The following ME2 variants were observed in gnomAD, a reference collection of about 807,000 sequenced individuals.
ME2 encodes NAD-dependent malic enzyme, mitochondrial.
Under a neutral mutation model 73.7 loss-of-function variants are expected in ME2, and 60 were observed. The ratio of observed to expected loss-of-function variants is 0.81; its 90% confidence interval spans 0.66 to 1.01. ME2 has a LOEUF of 1.01. Ranked by LOEUF, ME2 falls within the 50% of genes least tolerant of loss-of-function variation. The pLI, the probability that ME2 is intolerant of heterozygous loss-of-function variation, is 0.00. For missense variants in ME2, 594 were observed against 705.5 expected, an observed-to-expected ratio of 0.84 and a Z score of 1.79; for synonymous variants, 199 against 236.9, an observed-to-expected ratio of 0.84 and a Z score of 1.47.
intron 12 of ME2, among the ~76,000 whole-genome samples, chr18:50,927,439 G>A (rs561938735): frequency 2.6e-5 from 4 of 151,796 alleles, no homozygotes; most frequent in Non-Finnish European, 5.9e-5. Context: ...GGTGGCTCAC[G>A]CCTGTAATCC....
At chr18:50,883,204 T>C (rs1916365332) in intron 1 of ME2, among the ~76,000 whole-genome samples, 1 of 152,308 alleles carries the variant, frequency 6.6e-6, no homozygotes, top group South Asian at 2.1e-4. Flanking sequence ...CAACTGATTC[T>C]GAACTGGTAA....
At chr18:50,941,991 ATTTGT>A (rs1423776170) in intron 15 of ME2, among the ~76,000 whole-genome samples, 2 of 151,820 alleles carry the variant, frequency 1.3e-5, no homozygotes, top group African/African-American at 4.8e-5. Context: ...CCCACTTGTC[ATTTGT>A]TTTAACTTTA....
intron 11 of ME2, among the ~76,000 whole-genome samples, chr18:50,924,567 G>A (rs1220889279): frequency 6.6e-6 from 1 of 150,552 alleles, no homozygotes; most frequent in Non-Finnish European, 1.5e-5. Context: ...AGTGTGTTTT[G>A]AATCAGGCAT....
intron 1 of ME2, among the ~76,000 whole-genome samples, chr18:50,888,711 T>C (rs1477563029): frequency 6.6e-6 from 1 of 152,196 alleles, no homozygotes; most frequent in African/African-American, 2.4e-5. Flanking sequence ...GGTAATATGA[T>C]ACATACTCTA....
In ME2 at chr18:50,953,282, T is replaced by G. The variant is rs1918261053; in HGVS notation, c.*6098T>G. ...CCCAGCTAATTTTTTGTATTTTTAG[T>G]AGAGACGGGGTTTCACCGTGTTAGC... On this transcript the variant is annotated 3_prime_UTR_variant, in exon 16 of 16. Coordinates refer to ENST00000321341, the MANE Select transcript of ME2 (RefSeq NM_002396.5). 6.6e-6 allele frequency: 1 copy of G among 152,104 alleles called. No individual in the cohort carries two copies. Among genetic ancestry groups the G allele is most frequent in the African/African-American group, 2.4e-5 (1 of 41,386 alleles). 9.4% of individuals were successfully genotyped at this position (152,104 alleles called of 1,614,324 possible).
At chr18:50,941,895 A>C (rs1917971820) in intron 15 of ME2, among the ~76,000 whole-genome samples, 1 of 151,640 alleles carries the variant, frequency 6.6e-6, no homozygotes, top group Admixed American at 6.6e-5. Flanking sequence ...ATTGTTTCTC[A>C]TTATTAAGGC....
rs114859592 is a variant in ME2 at position 50,900,922 on chromosome 18, A to G, written c.108+4994A>G. Among the ~76,000 whole-genome samples the G allele has an allele frequency of 9.1e-3, 1,383 of 152,312 alleles. 20 individuals are homozygous for G. Among genetic ancestry groups the G allele is most frequent in the African/African-American group, 0.032 (1,337 of 41,564 alleles). On this transcript the variant is annotated intron_variant, in intron 2 of 15. Coordinates refer to ENST00000321341, the MANE Select transcript of ME2 (RefSeq NM_002396.5). ...GTGAGTCAGTTAAACCTCTTTTCTT[A>G]TAAATTACTCAGTCTTGGTATTTCG...
chr18:50,919,427 ATCT>A (rs1466510808), intron 7 of ME2, among the ~76,000 whole-genome samples: 2 of 152,164 alleles, frequency 1.3e-5, no homozygotes, highest in Non-Finnish European at 2.9e-5. Flanking sequence ...TGAACTTTAC[ATCT>A]TCTCAGAAAT....
intron 3 of ME2, among the ~76,000 whole-genome samples, chr18:50,909,449 A>C (rs1917095069): frequency 6.6e-6 from 1 of 152,234 alleles, no homozygotes; most frequent in Non-Finnish European, 1.5e-5. Context: ...GGGGAATCAG[A>C]TAAAAGCTTC....
Position 50,940,388 on chromosome 18 carries a change from TA to T in ME2, c.1587+4del. ...GTTTCTATTAACATTGCTATTAAAG[TA>T]AGTAATAACTTAAACTTCTTCACAT... On this transcript the variant is annotated splice_donor_region_variant and intron_variant, in intron 15 of 15. Transcript: ENST00000321341. The T allele has an allele frequency of 6.5e-7, 1 of 1,535,802 alleles. No individual in the cohort carries two copies. The highest frequency in any genetic ancestry group is 8.9e-7 in the Non-Finnish European group (1 of 1,118,854).
intron 1 of ME2, among the ~76,000 whole-genome samples, chr18:50,881,174 A>G (rs1916311391): frequency 6.6e-6 from 1 of 152,174 alleles, no homozygotes; most frequent in African/African-American, 2.4e-5. Context: ...GACTACAGGC[A>G]TGCACCACCA....
intron 7 of ME2, among the ~76,000 whole-genome samples, 182 bp downstream of exon 7, chr18:50,918,395 G>C (rs568220737): frequency 6.7e-6 from 1 of 148,402 alleles, no homozygotes; most frequent in South Asian, 2.1e-4. Flanking sequence ...GATATGAGGT[G>C]GTACCCATGG....
intron 12 of ME2, among the ~76,000 whole-genome samples, chr18:50,926,106 C>T (rs145881804): frequency 9.1e-4 from 139 of 152,260 alleles, no homozygotes; most frequent in Non-Finnish European, 1.5e-3. Flanking sequence ...ACACTGTTTG[C>T]ACTATTGTTG....
intron 11 of ME2, among the ~76,000 whole-genome samples, chr18:50,925,552 G>A (rs1917531457): frequency 6.6e-6 from 1 of 152,182 alleles, no homozygotes; most frequent in South Asian, 2.1e-4. Context: ...ATATTTAAGT[G>A]AGAACTTTCA....
At chr18:50,929,574 C>T (rs963979891) in intron 12 of ME2, among the ~76,000 whole-genome samples, 8 of 151,760 alleles carry the variant, frequency 5.3e-5, no homozygotes, top group Non-Finnish European at 1.0e-4. Context: ...TTGACCACTC[C>T]ATTAGTCAAA....
intron 1 of ME2, among the ~76,000 whole-genome samples, chr18:50,888,017 A>G (rs1013247301): frequency 3.9e-5 from 6 of 152,226 alleles, no homozygotes; most frequent in Middle Eastern, 3.2e-3. Flanking sequence ...AAAGAGCTAT[A>G]TAAGAAGTTA....
intron 7 of ME2, among the ~76,000 whole-genome samples, chr18:50,918,990 C>T (rs1042073617): frequency 6.6e-6 from 1 of 152,182 alleles, no homozygotes; most frequent in Non-Finnish European, 1.5e-5. Context: ...CTATTATTGG[C>T]AGTAACATTC....
chr18:50,914,365 C>T (rs971112449), intron 4 of ME2, among the ~76,000 whole-genome samples: 16 of 152,164 alleles, frequency 1.1e-4, no homozygotes, highest in African/African-American at 3.6e-4. Flanking sequence ...GCCTGAGCCC[C>T]ACCCCCAGAG....
chr18:50,899,522 T>C (rs1916835911), intron 2 of ME2, among the ~76,000 whole-genome samples: 1 of 152,052 alleles, frequency 6.6e-6, no homozygotes, highest in African/African-American at 2.4e-5. Flanking sequence ...GAGGCTGAGG[T>C]GGGAGGATCA....
Sources: gnomAD v4.1 joint callset for allele counts (sites outside exome capture counted in the v4.1 genomes callset) on GRCh38, gnomAD v4.1.1 for gene constraint, MANE v1.5 for transcripts, NCBI Gene and HGNC (gene_info 2026-07-23, HGNC 2026-07-21) for gene names.